The following PDE3A variants were observed in gnomAD, a reference collection of about 807,000 sequenced individuals.
PDE3A encodes the protein phosphodiesterase 3A.
Under a neutral mutation model 98.3 loss-of-function variants are expected in PDE3A, and 43 were observed. The ratio of observed to expected loss-of-function variants is 0.44; its 90% confidence interval spans 0.34 to 0.56. PDE3A has a LOEUF of 0.56. Ranked by LOEUF, PDE3A falls within the 20% of genes least tolerant of loss-of-function variation. The pLI, the probability that PDE3A is intolerant of heterozygous loss-of-function variation, is 0.01. For missense variants in PDE3A, 1,427 were observed against 1,440.7 expected (o/e 0.99, Z 0.15); for synonymous variants, 663 against 567.9 (o/e 1.17, Z -2.38).
chr12:20,474,572 C>T (rs1249414834), intron 1 of PDE3A, among the ~76,000 whole-genome samples: 1 of 152,206 alleles, frequency 6.6e-6, no homozygotes, highest in Non-Finnish European at 1.5e-5. Flanking sequence ...ATCAAGGTTT[C>T]AGCAGAGGCT....
chr12:20,557,337 T>A (rs2121273575), intron 2 of PDE3A: 1 of 152,520 alleles, frequency 6.6e-6, no homozygotes, highest in East Asian at 1.9e-4. Flanking sequence ...CATAATTACT[T>A]TCCCTGATGG....
chr12:20,620,089 T>G (rs1944097083), intron 4 of PDE3A, among the ~76,000 whole-genome samples: 1 of 152,072 alleles, frequency 6.6e-6, no homozygotes, highest in African/African-American at 2.4e-5. Context: ...TTCTAAGCAA[T>G]GCATGCATAA....
intron 3 of PDE3A, among the ~76,000 whole-genome samples, chr12:20,615,002 TTCTTTCTC>T (rs1943966625): frequency 3.6e-5 from 5 of 139,310 alleles, no homozygotes; most frequent in African/African-American, 1.3e-4. Flanking sequence ...CTTTTTTTCT[TTCTTTCTC>T]TCTTTCTTTT....
chr12:20,379,237 G>C (rs1015074820), intron 1 of PDE3A, among the ~76,000 whole-genome samples: 1 of 151,828 alleles, frequency 6.6e-6, no homozygotes, highest in Non-Finnish European at 1.5e-5. Flanking sequence ...CCATTTTTAA[G>C]CTAGCATGAA....
At chr12:20,445,352 A>G (rs1347065603) in intron 1 of PDE3A, among the ~76,000 whole-genome samples, 1 of 152,190 alleles carries the variant, frequency 6.6e-6, no homozygotes. Context: ...ATCATATTGT[A>G]TAAATCTGTG....
At chr12:20,656,757 C>A (rs1945053476) in intron 15 of PDE3A, among the ~76,000 whole-genome samples, 1 of 152,142 alleles carries the variant, frequency 6.6e-6, no homozygotes, top group African/African-American at 2.4e-5. Flanking sequence ...AAGCTTTGTT[C>A]CCAGGGGCCC....
chr12:20,659,130 T>G (rs1945103278), intron 15 of PDE3A, among the ~76,000 whole-genome samples: 1 of 152,164 alleles, frequency 6.6e-6, no homozygotes, highest in Non-Finnish European at 1.5e-5. Flanking sequence ...TTAGTTTGAG[T>G]CCATCTCATG....
chr12:20,602,499 A>G (rs980010021), intron 2 of PDE3A, among the ~76,000 whole-genome samples: 3 of 152,210 alleles, frequency 2.0e-5, no homozygotes, highest in East Asian at 1.9e-4. Flanking sequence ...GGACTTGTAT[A>G]AGGACAGAGG....
intron 1 of PDE3A, among the ~76,000 whole-genome samples, chr12:20,386,144 T>TATATAAATATATATATAA (rs1237064551): frequency 7.5e-5 from 2 of 26,504 alleles, no homozygotes; most frequent in Non-Finnish European, 1.3e-4. Context: ...TATATATAAA[T>TATATAAATATATATATAA]ATATATATAA....
At chr12:20,438,746 T>C (rs1379909549) in intron 1 of PDE3A, among the ~76,000 whole-genome samples, 3 of 150,598 alleles carry the variant, frequency 2.0e-5, no homozygotes, top group Non-Finnish European at 3.0e-5. Context: ...TGGATTCTCT[T>C]GTCACTTAAG....
chr12:20,538,979 G>C (rs935063703), intron 1 of PDE3A, among the ~76,000 whole-genome samples: 1 of 151,294 alleles, frequency 6.6e-6, no homozygotes, highest in Non-Finnish European at 1.5e-5. Flanking sequence ...ACACCAATCA[G>C]TTATTCTTTT....
At chr12:20,537,121 A>G (rs1254244366) in intron 1 of PDE3A, among the ~76,000 whole-genome samples, 1 of 152,024 alleles carries the variant, frequency 6.6e-6, no homozygotes, top group African/African-American at 2.4e-5. Flanking sequence ...ATGGTATCTC[A>G]CTGTGGTCTT....
chr12:20,450,128 G>T (rs558592954), intron 1 of PDE3A: 2 of 427,796 alleles, frequency 4.7e-6, no homozygotes, highest in Non-Finnish European at 4.3e-6. Context: ...AGAATGCATC[G>T]CAGCCCAACA....
intron 2 of PDE3A, among the ~76,000 whole-genome samples, chr12:20,588,816 C>T (rs1943250787): frequency 6.6e-6 from 1 of 152,170 alleles, no homozygotes; most frequent in African/African-American, 2.4e-5. Context: ...GCCAGGCTGA[C>T]CTGTCCTGTC....
intron 15 of PDE3A, among the ~76,000 whole-genome samples, chr12:20,670,152 C>T (rs559556946): frequency 0.015 from 2,191 of 150,946 alleles, 54 homozygotes; most frequent in African/African-American, 0.051. Context: ...AGCTAACTAT[C>T]CTAAATATAT....
intron 2 of PDE3A, among the ~76,000 whole-genome samples, chr12:20,573,153 T>C (rs1384071436): frequency 6.6e-6 from 1 of 152,110 alleles, no homozygotes; most frequent in Admixed American, 6.6e-5. Context: ...TAAAATAAAA[T>C]ACTTAAAATA....
intron 1 of PDE3A, among the ~76,000 whole-genome samples, chr12:20,500,340 A>C (rs1280977001): frequency 6.6e-6 from 1 of 152,152 alleles, no homozygotes; most frequent in Admixed American, 6.6e-5. Context: ...CTTACTTGGA[A>C]TATTATTGTC....
Position 20,680,123 on chromosome 12 carries a change from A to G in PDE3A, c.3278A>G (p.Glu1093Gly), listed in dbSNP as rs760407859. ...HKMWKKVIEE[E>G]QRLAGIENQS... ...ATGTGGAAGAAAGTCATTGAAGAGG[A>G]GCAACGGTTGGCAGGCATAGAAAAT... is the stretch of plus-strand genomic sequence containing the variant. The change falls in exon 16 of 16, where the codon GAG (glutamate) becomes GGG (glycine). Residue 1093 changes from glutamate to glycine, a missense_variant. This residue lies in a region of PDE3A where 142 missense variants were observed against 133.9 expected (regional missense o/e 1.06). Coordinates refer to ENST00000359062, the MANE Select transcript of PDE3A (RefSeq NM_000921.5). 1.2e-6 allele frequency: 2 copies of G among 1,613,720 alleles called. No individual in the cohort carries two copies. Among genetic ancestry groups the G allele is most frequent in the Non-Finnish European group, 1.7e-6 (2 of 1,179,694 alleles).
rs747759664 is a variant in PDE3A at position 20,680,205 on chromosome 12, G to GGAA, written c.3372_3374dup (p.Glu1125dup). ...CTTCAGAACAGATCCAGGCTATCAA[G>GGAA]GAAGAAGAAGAAGAGAAAGGGAAAC... On this transcript the variant is annotated inframe_insertion, in exon 16 of 16. Coordinates refer to ENST00000359062, the MANE Select transcript of PDE3A (RefSeq NM_000921.5). 2 of 1,613,460 alleles carry GGAA rather than the reference G, an allele frequency of 1.2e-6. No individual in the cohort carries two copies. Among genetic ancestry groups the GGAA allele is most frequent in the African/African-American group, 2.7e-5 (2 of 74,864 alleles).
Sources: allele counts gnomAD v4.1 joint callset (sites outside exome capture counted in the v4.1 genomes callset), GRCh38; gene constraint gnomAD v4.1.1; regional missense constraint gnomAD v4.1.1; transcripts MANE v1.5; gene names NCBI Gene and HGNC (gene_info 2026-07-23, HGNC 2026-07-21).